The following NBPF3 variants were observed in gnomAD, a reference collection of about 807,000 sequenced individuals.
The protein encoded by NBPF3 is NBPF family member NBPF3.
NBPF3 carries 57 observed loss-of-function variants against 78.1 expected under a neutral mutation model. The ratio of observed to expected loss-of-function variants is 0.73; its 90% CI spans 0.59 to 0.91. The LOEUF (loss-of-function observed/expected upper bound fraction) is 0.91, where lower values mean the gene tolerates loss of function less well. Ranked by LOEUF, NBPF3 falls within the 40% of genes least tolerant of loss-of-function variation. The probability of loss-of-function intolerance (pLI) is 0.00; values close to 1 mark genes in which losing one functional copy is unlikely to be tolerated. For synonymous variants in NBPF3, 182 were observed against 271.7 expected (o/e 0.67, Z 3.25); for missense variants, 510 against 715.3 (o/e 0.71, Z 3.27).
At chr1:21,471,426 C>A in intron 4 of NBPF3, 143 bp from the exon 5 acceptor site, 1 of 1,363,914 alleles carries the variant, frequency 7.3e-7, no homozygotes, top group East Asian at 2.3e-5. Flanking sequence ...TTCTCTTGGG[C>A]ACAGACATTT....
In NBPF3 at chr1:21,470,687, C is replaced by T. The variant is rs758190721; in HGVS notation, c.399C>T (p.Leu133=). 102 of 1,601,654 alleles carry T rather than the reference C, an allele frequency of 6.4e-5. No homozygotes were observed. Among genetic ancestry groups the T allele is most frequent in the Non-Finnish European group, 8.4e-5 (98 of 1,171,980 alleles). The change falls in exon 4 of 15, where the codon CTC becomes CTT. Residue 133 remains leucine, a synonymous_variant. Transcript: ENST00000318249. ...IKSMLRDERL[L]TEEKLAEELG... is the part of the protein sequence containing the mutation. ...CTATGCTGAGGGATGAGCGGCTGCT[C>T]ACAGAAGAGAAGCTTGCAGAGGAGC...
At chr1:21,457,029 C>T (rs928866230) in intron 2 of NBPF3, among the ~76,000 whole-genome samples, 1 of 152,102 alleles carries the variant, frequency 6.6e-6, no homozygotes, top group African/African-American at 2.4e-5. Context: ...AGTATAAGCT[C>T]AATAGAAGTA....
intron 4 of NBPF3, 124 bp from the exon 5 acceptor site, chr1:21,471,445 A>T: frequency 6.8e-7 from 1 of 1,460,682 alleles, no homozygotes; most frequent in African/African-American, 1.4e-5. Context: ...TTCTTTAAAC[A>T]TGTGCTGACC....
intron 3 of NBPF3, 145 bp from the exon 4 acceptor site, chr1:21,470,487 G>T (rs149831359): frequency 1.7e-4 from 94 of 541,442 alleles, no homozygotes; most frequent in Non-Finnish European, 3.0e-4. Context: ...GGAGACTGAA[G>T]AGTAAAGATG....
chr1:21,470,811 TA>T, intron 4 of NBPF3, 77 bp downstream of exon 4: 1 of 953,818 alleles, frequency 1.0e-6, no homozygotes, highest in Non-Finnish European at 1.6e-6. Context: ...CAGGGAGAAC[TA>T]AGAGCTGAAC....
upstream of NBPF3, among the ~76,000 whole-genome samples, chr1:21,438,157 G>T (rs1244676368): frequency 1.3e-5 from 2 of 151,172 alleles, no homozygotes; most frequent in African/African-American, 4.9e-5. Context: ...CTGTCCCCTA[G>T]GCTGGATTGC....
chr1:21,450,393 C>A (rs1376753412), intron 2 of NBPF3, among the ~76,000 whole-genome samples: 2 of 152,194 alleles, frequency 1.3e-5, no homozygotes, highest in Non-Finnish European at 2.9e-5. Flanking sequence ...CTTCTCCAAC[C>A]AGCCACAGAA....
intron 8 of NBPF3, 158 bp from the exon 9 acceptor site, chr1:21,477,986 C>G: frequency 6.6e-7 from 1 of 1,514,868 alleles, no homozygotes; most frequent in Non-Finnish European, 9.0e-7. Flanking sequence ...ACCCTCCAGC[C>G]TGCATTTAGA....
intron 2 of NBPF3, among the ~76,000 whole-genome samples, chr1:21,462,051 G>A (rs1026630245): frequency 1.3e-5 from 2 of 151,608 alleles, no homozygotes; most frequent in Non-Finnish European, 2.9e-5. Flanking sequence ...TTCCTCTCTC[G>A]CCATATGATC....
chr1:21,479,820 C>G lies in NBPF3; in HGVS notation c.1209-231C>G, dbSNP rs868169551. ...TCTCTCTCTCTCTCTCTCTCTCTCT[C>G]TGTGTGTGTGTGTGTGTGTGTGTGT... On this transcript the variant is annotated intron_variant, in intron 10 of 14. Transcript: ENST00000318249. Among the ~76,000 whole-genome samples, 4,073 of 102,850 alleles carry G rather than the reference C, an allele frequency of 0.04. 262 individuals carry two copies. The highest frequency in any genetic ancestry group is 0.13 in the African/African-American group (3,808 of 29,738). 67.5% of individuals were successfully genotyped at this position (102,850 alleles called of 152,430 possible). A position where few individuals can be genotyped will look rare whatever the true frequency, so the allele number is the denominator to read the frequency against.
chr1:21,456,395 G>A (rs1391847660), intron 2 of NBPF3, among the ~76,000 whole-genome samples: 1 of 151,944 alleles, frequency 6.6e-6, no homozygotes, highest in East Asian at 1.9e-4. Context: ...CGTGTATACT[G>A]TGCTCAAACT....
At chr1:21,470,960 A>G (rs547389079) in intron 4 of NBPF3, among the ~76,000 whole-genome samples, 66 of 152,282 alleles carry the variant, frequency 4.3e-4, no homozygotes, top group African/African-American at 1.5e-3. Context: ...CAAACAAGTA[A>G]TTGTTGAGGT....
At chr1:21,478,364 A>T in intron 9 of NBPF3, 57 bp downstream of exon 9, 1 of 1,583,546 alleles carries the variant, frequency 6.3e-7, no homozygotes, top group East Asian at 2.2e-5. Context: ...GGTAGACCCC[A>T]TAATCTTTGG....
chr1:21,471,823 C>T lies in NBPF3; in HGVS notation c.661+40C>T, dbSNP rs184303315. The T allele has an allele frequency of 6.9e-5, 111 of 1,606,844 alleles. 1 individual carries two copies. In the East Asian group the frequency reaches 2.3e-3, roughly 34 times the overall value. On this transcript the variant is annotated intron_variant, in intron 5 of 14. Transcript: ENST00000318249. ...GGCCCTGATGACCCAAAACCCCAGG[C>T]TTATGAGAGACTTCAGACCTCCATA...
chr1:21,454,982 T>G (rs1179786100), intron 2 of NBPF3, among the ~76,000 whole-genome samples: 1 of 152,292 alleles, frequency 6.6e-6, no homozygotes, highest in Middle Eastern at 3.4e-3. Context: ...TTTCCTCAGG[T>G]TGTCAGCTGA....
upstream of NBPF3, among the ~76,000 whole-genome samples, chr1:21,438,643 C>T (rs1434187262): frequency 1.3e-5 from 2 of 152,136 alleles, no homozygotes; most frequent in Admixed American, 6.5e-5. Flanking sequence ...CTAAGCAGTC[C>T]ATGGATATTT....
In NBPF3 at chr1:21,457,352, A is replaced by ATATATATATATATGTATG. The variant is rs1553390328; in HGVS notation, c.134-11325_134-11324insATGTATGTATATATATAT. ...GGGTTTTTAGAGTGTGTGTGTGTAT[A>ATATATATATATATGTATG]TATATATATATGTATGTATATATAT... On this transcript the variant is annotated intron_variant, in intron 2 of 14. Transcript: ENST00000318249. Among the ~76,000 whole-genome samples the ATATATATATATATGTATG allele has an allele frequency of 1.6e-3, 225 of 144,202 alleles. 1 individual carries two copies. The highest frequency in any genetic ancestry group is 3.9e-3 in the Admixed American group (56 of 14,374). The allele number at this position is 144,202 out of a possible 152,430, so 94.6% of individuals were successfully genotyped here.
Position 21,479,848 on chromosome 1 carries a change from G to GTGTGTGTGTGTGTGTGTGTGTGTGTA in NBPF3, c.1209-198_1209-197insGTGTGTGTGTGTGTGTGTGTATGTGT, listed in dbSNP as rs746655034. Among the ~76,000 whole-genome samples the GTGTGTGTGTGTGTGTGTGTGTGTGTA allele has an allele frequency of 2.8e-3, 338 of 121,454 alleles. 2 individuals carry two copies. Among genetic ancestry groups the GTGTGTGTGTGTGTGTGTGTGTGTGTA allele is most frequent in the Middle Eastern group, 0.014 (3 of 222 alleles). The allele number at this position is 121,454 out of a possible 152,430, so 79.7% of individuals were successfully genotyped here. A position where few individuals can be genotyped will look rare whatever the true frequency, so the allele number is the denominator to read the frequency against. ...TGTGTGTGTGTGTGTGTGTGTGTGT[G>GTGTGTGTGTGTGTGTGTGTGTGTGTA]TGTGTATGTGTATGTCTTTCTCTTT... On this transcript the variant is annotated intron_variant, in intron 10 of 14. Coordinates refer to ENST00000318249, the MANE Select transcript of NBPF3 (RefSeq NM_032264.6).
upstream of NBPF3, among the ~76,000 whole-genome samples, chr1:21,439,099 G>A (rs1640495672): frequency 6.6e-6 from 1 of 152,166 alleles, no homozygotes; most frequent in Admixed American, 6.5e-5. Context: ...CTGGGACTTG[G>A]CACGTGGCTG....
Sources: gnomAD v4.1 joint callset for allele counts (sites outside exome capture counted in the v4.1 genomes callset) on GRCh38, gnomAD v4.1.1 for gene constraint, MANE v1.5 for transcripts, NCBI Gene and HGNC (gene_info 2026-07-23, HGNC 2026-07-21) for gene names.